OXGR1: variants seen among roughly 807,000 people sequenced by gnomAD.
OXGR1 encodes oxoglutarate receptor 1.
OXGR1 carries 10 observed loss-of-function variants against 10.0 expected under a neutral mutation model. The ratio of observed to expected loss-of-function variants is 1.00; its 90% confidence interval spans 0.62 to 1.70. The LOEUF (loss-of-function observed/expected upper bound fraction) is 1.70. Ranked by LOEUF, OXGR1 falls within the 40% of genes most tolerant of loss-of-function variation. OXGR1 has a pLI of 0.00. For missense variants in OXGR1, 398 were observed against 407.6 expected (o/e 0.98, Z 0.20); for synonymous variants, 191 against 155.9 (o/e 1.22, Z -1.68).
chr13:96,994,625 C>CTTT (rs1882228356), upstream of OXGR1: 1 of 152,280 alleles, frequency 6.6e-6, no homozygotes, highest in African/African-American at 2.4e-5. Context: ...AGGGTTGTTG[C>CTTT]CCCAGGAGGG....
At chr13:96,991,417 T>A (rs1882051548) in intron 2 of OXGR1, among the ~76,000 whole-genome samples, 1 of 152,214 alleles carries the variant, frequency 6.6e-6, no homozygotes, top group African/African-American at 2.4e-5. Context: ...AAGACAAATG[T>A]GGCACAACCC....
rs764092403 is a variant in OXGR1 at position 96,987,715 on chromosome 13, G to C, written c.45C>G (p.Pro15=). The part of the protein sequence containing the change: ...LDYLANASDF[P]DYAAAFGNCT... ...AATTTCCAAAAGCAGCTGCATAATC[G>C]GGGAAATCAGAAGCATTTGCTAAAT... Residue 15 remains proline, a synonymous_variant, in exon 4 of 4, where the codon CCC becomes CCG. Transcript: ENST00000541038. 6.2e-7 allele frequency: 1 copy of C among 1,609,562 alleles called. No individual in the cohort carries two copies. The highest frequency in any genetic ancestry group is 1.3e-5 in the African/African-American group (1 of 74,940).
intron 2 of OXGR1, among the ~76,000 whole-genome samples, chr13:96,990,816 G>A (rs1882015213): frequency 1.3e-5 from 2 of 151,970 alleles, no homozygotes; most frequent in Admixed American, 6.6e-5. Flanking sequence ...GGGTGTGGTG[G>A]CCCATGCCTA....
chr13:96,993,466 C>T (rs1200207113), intron 1 of OXGR1, among the ~76,000 whole-genome samples: 1 of 152,132 alleles, frequency 6.6e-6, no homozygotes, highest in Non-Finnish European at 1.5e-5. Flanking sequence ...AGGTGATCCA[C>T]CTGCCTCAGC....
Position 96,987,459 on chromosome 13 carries a change from A to G in OXGR1, c.301T>C (p.Phe101Leu). 1 of 1,614,232 alleles carries G rather than the reference A, an allele frequency of 6.2e-7. No homozygotes were observed. Among genetic ancestry groups the G allele is most frequent in the South Asian group, 1.1e-5 (1 of 91,086 alleles). ...ATAAACTTACACATGAAATCTCCAA[A>G]GATCCAGTTTTCGCCACTGGCATAG... The part of the protein sequence containing the change: ...HYYASGENWI[F>L]GDFMCKFIRF... The change falls in exon 4 of 4, where the codon TTT becomes CTT. Residue 101 changes from phenylalanine to leucine, a missense_variant. By Grantham distance (22) the Phe-to-Leu change is conservative. Transcript: ENST00000541038.
In OXGR1 at chr13:96,987,283, G is replaced by A; in HGVS notation, c.477C>T (p.Ile159=). 6.2e-7 allele frequency: 1 copy of A among 1,614,180 alleles called. No individual in the cohort carries two copies. The highest frequency in any genetic ancestry group is 8.5e-7 in the Non-Finnish European group (1 of 1,180,026). ...TCGGAATGACAGCTACCAGTGAAAT[G>A]ATCCACACCACAGCACAGGCTACAA... ...CAVVACAVVW[I]ISLVAVIPMT... is the part of the protein sequence containing the mutation. Residue 159 remains isoleucine, a synonymous_variant, in exon 4 of 4, where the codon ATC becomes ATT. Transcript: ENST00000541038.
At chr13:96,992,762 A>G (rs888165590) in intron 1 of OXGR1, among the ~76,000 whole-genome samples, 190 bp from the exon 2 acceptor site, 4 of 152,300 alleles carry the variant, frequency 2.6e-5, no homozygotes, top group Admixed American at 2.0e-4. Context: ...TCATTATCCA[A>G]CAATGCCTGT....
At chr13:96,991,711 C>T (rs7333674) in intron 2 of OXGR1, among the ~76,000 whole-genome samples, 10,637 of 152,208 alleles carry the variant, frequency 0.07, 1,081 homozygotes, top group African/African-American at 0.22. Context: ...CCATATGATC[C>T]AGCATTTCCA....
rs1470088425 is a variant in OXGR1 at position 96,987,782 on chromosome 13, A to G, written c.-23T>C. ...CATGGTTGTCTCCTTTCATCTTGCAAGAAAACAAGAGAGTTCAGTTTGGCA... is the reference window on the plus strand; with the variant it reads ...CATGGTTGTCTCCTTTCATCTTGCAGGAAAACAAGAGAGTTCAGTTTGGCA... On this transcript the variant is annotated 5_prime_UTR_variant, in exon 4 of 4. Coordinates refer to ENST00000541038, the MANE Select transcript of OXGR1 (RefSeq NM_001346194.2). 6.5e-7 allele frequency: 1 copy of G among 1,534,756 alleles called. No individual in the cohort carries two copies. The highest frequency in any genetic ancestry group is 2.3e-5 in the East Asian group (1 of 44,174).
chr13:96,986,958 G>T lies in OXGR1; in HGVS notation c.802C>A (p.Arg268Ser). 1 of 1,614,134 alleles carries T rather than the reference G, an allele frequency of 6.2e-7. No individual in the cohort carries two copies. The highest frequency in any genetic ancestry group is 1.1e-5 in the South Asian group (1 of 91,070). Residue 268 changes from arginine to serine, a missense_variant, in exon 4 of 4, where the codon CGC becomes AGC. Arg to Ser is a moderately radical substitution (Grantham distance 110). Transcript: ENST00000541038. ...HILRVIRIESRLLSISCSIEN... is the reference protein window; with the variant it reads ...HILRVIRIESSLLSISCSIEN... ...ATGGAACAACTGATTGAAAGCAGGCGAGATTCGATCCGAATGACCCTCAAG... is the reference window on the plus strand; with the variant it reads ...ATGGAACAACTGATTGAAAGCAGGCTAGATTCGATCCGAATGACCCTCAAG...
In OXGR1 at chr13:96,987,841, A is replaced by C; in HGVS notation, c.-74-8T>G. On this transcript the variant is annotated splice_region_variant and splice_polypyrimidine_tract_variant and intron_variant, in intron 3 of 3. Coordinates refer to ENST00000541038, the MANE Select transcript of OXGR1 (RefSeq NM_001346194.2). Reference sequence around the variant, plus strand: ...CAAATGAGCAGTAACTCGCTGATAAAGGAAAACAGAAAACATTAATGATAG... The same window carrying C: ...CAAATGAGCAGTAACTCGCTGATAACGGAAAACAGAAAACATTAATGATAG... The C allele has an allele frequency of 6.7e-7, 1 of 1,485,854 alleles. No homozygotes were observed. Among genetic ancestry groups the C allele is most frequent in the Non-Finnish European group, 9.0e-7 (1 of 1,116,206 alleles). 92.0% of individuals were successfully genotyped at this position (1,485,854 alleles called of 1,614,324 possible). A position where few individuals can be genotyped will look rare whatever the true frequency, so the allele number is the denominator to read the frequency against.
Position 96,987,111 on chromosome 13 carries a change from A to G in OXGR1, c.649T>C (p.Cys217Arg), listed in dbSNP as rs1305041953. The G allele has an allele frequency of 3.1e-6, 5 of 1,614,114 alleles. No individual in the cohort carries two copies. The highest frequency in any genetic ancestry group is 4.2e-6 in the Non-Finnish European group (5 of 1,180,048). ...FCLPLVIVTL[C>R]YTTIIHTLTH... ...AGAGTGTGGATAATCGTGGTATAGCAAAGTGTCACTATCACCAAGGGGAGG... is the reference window on the plus strand; with the variant it reads ...AGAGTGTGGATAATCGTGGTATAGCGAAGTGTCACTATCACCAAGGGGAGG... Residue 217 changes from cysteine (C) to arginine (R), a missense_variant, in exon 4 of 4, where the codon TGC becomes CGC. Physicochemically the swap from Cys to Arg is radical, Grantham distance 180 (BLOSUM62 -3). Transcript: ENST00000541038.
chr13:96,991,028 T>C (rs1882031658), intron 2 of OXGR1, among the ~76,000 whole-genome samples: 1 of 149,172 alleles, frequency 6.7e-6, no homozygotes, highest in Non-Finnish European at 1.5e-5. Context: ...CATTGCCAAA[T>C]AAACCCTTAG....
chr13:96,989,397 T>C (rs1178145497), intron 3 of OXGR1, among the ~76,000 whole-genome samples: 1 of 152,148 alleles, frequency 6.6e-6, no homozygotes, highest in Non-Finnish European at 1.5e-5. Context: ...CTGGGGGAGT[T>C]GTAAGGAAAT....
At position 96,985,935 on chromosome 13, in the gene OXGR1, A is replaced by G. The variant is rs1204176904; in HGVS notation, c.*811T>C. The G allele has an allele frequency of 6.6e-6, 1 of 152,236 alleles. No homozygotes were observed. The highest frequency in any genetic ancestry group is 1.5e-5 in the Non-Finnish European group (1 of 68,030). The allele number at this position is 152,236 out of a possible 1,614,324, so 9.4% of individuals were successfully genotyped here. A position where few individuals can be genotyped will look rare whatever the true frequency, so the allele number is the denominator to read the frequency against. On this transcript the variant is annotated 3_prime_UTR_variant, in exon 4 of 4. Transcript: ENST00000541038. ...TTTCCTGGAATATTTTCCCACAAAA[A>G]TCAAAACAGTGTTAGATATGATTGA...
chr13:96,989,072 T>G (rs1488856238), intron 3 of OXGR1, among the ~76,000 whole-genome samples: 1 of 151,188 alleles, frequency 6.6e-6, no homozygotes, highest in African/African-American at 2.4e-5. Context: ...ATGTTAAAAA[T>G]AGGAAAAAAA....
intron 3 of OXGR1, among the ~76,000 whole-genome samples, chr13:96,989,075 G>GA (rs199633208): frequency 0.049 from 7,487 of 151,720 alleles, 233 homozygotes; most frequent in African/African-American, 0.092. Flanking sequence ...TTAAAAATAG[G>GA]AAAAAAAACT....
Position 96,987,288 on chromosome 13 carries a change from A to T in OXGR1, c.472T>A (p.Trp158Arg). 1 of 1,614,238 alleles carries T rather than the reference A, an allele frequency of 6.2e-7. No homozygotes were observed. The highest frequency in any genetic ancestry group is 8.5e-7 in the Non-Finnish European group (1 of 1,180,042). ...RCAVVACAVV[W>R]IISLVAVIPM... Reference sequence around the variant, plus strand: ...ATGACAGCTACCAGTGAAATGATCCACACCACAGCACAGGCTACAACTGCA... The same window carrying T: ...ATGACAGCTACCAGTGAAATGATCCTCACCACAGCACAGGCTACAACTGCA... Residue 158 changes from tryptophan to arginine, a missense_variant, in exon 4 of 4, where the codon TGG (tryptophan) becomes AGG (arginine). Physicochemically the swap from Trp to Arg is moderately radical, Grantham distance 101. Coordinates refer to ENST00000541038, the MANE Select transcript of OXGR1 (RefSeq NM_001346194.2).
chr13:96,986,199 A>G lies in OXGR1; in HGVS notation c.*547T>C, dbSNP rs1309108516. On this transcript the variant is annotated 3_prime_UTR_variant, in exon 4 of 4. Transcript: ENST00000541038. ...ATCTTACTGGCTTGAAGTAATATAC[A>G]GAACTGGCTAAACCCAGTTTTATAA... is the stretch of plus-strand genomic sequence containing the variant. 2 of 152,864 alleles carry G rather than the reference A, an allele frequency of 1.3e-5. No individual in the cohort carries two copies. Among genetic ancestry groups the G allele is most frequent in the Non-Finnish European group, 2.9e-5 (2 of 68,552 alleles). The allele number at this position is 152,864 out of a possible 1,614,324, so 9.5% of individuals were successfully genotyped here. A position where few individuals can be genotyped will look rare whatever the true frequency, so the allele number is the denominator to read the frequency against.
Sources: allele counts gnomAD v4.1 joint callset (sites outside exome capture counted in the v4.1 genomes callset), GRCh38; gene constraint gnomAD v4.1.1; transcripts MANE v1.5; gene names NCBI Gene and HGNC (gene_info 2026-07-23, HGNC 2026-07-21).